The following SIK3 variants were observed in gnomAD, a reference collection of about 807,000 sequenced individuals.
SIK3 encodes the protein SIK family kinase 3, also known as serine/threonine-protein kinase SIK3.
A neutral mutation model predicts 144.2 loss-of-function variants in SIK3; 28 were observed. That is an observed-to-expected ratio of 0.19 (90% confidence interval 0.14 to 0.27). The LOEUF (loss-of-function observed/expected upper bound fraction) is 0.27, where lower values mean the gene tolerates loss of function less well. Among genes scored for constraint, SIK3 ranks in the 10% least tolerant of loss-of-function variants. The probability of loss-of-function intolerance (pLI) is 1.00; values close to 1 mark genes in which losing one functional copy is unlikely to be tolerated. For missense variants in SIK3, 1,319 were observed against 1,776.0 expected (o/e 0.74, Z 4.62); for synonymous variants, 686 against 676.3 (o/e 1.01, Z -0.22).
chr11:116,955,997 A>G (rs1949124158), intron 2 of SIK3, among the ~76,000 whole-genome samples: 1 of 152,204 alleles, frequency 6.6e-6, no homozygotes. Flanking sequence ...ACATGGTCCT[A>G]TGTCTGGGCC....
At chr11:116,889,022 C>T (rs1944966442) in intron 6 of SIK3, among the ~76,000 whole-genome samples, 1 of 152,142 alleles carries the variant, frequency 6.6e-6, no homozygotes. Flanking sequence ...AAGTTGCTCA[C>T]AGGAAACACT....
chr11:117,060,597 CAA>C (rs367663538), intron 1 of SIK3, among the ~76,000 whole-genome samples: 11 of 96,856 alleles, frequency 1.1e-4, no homozygotes, highest in Non-Finnish European at 1.3e-4. Flanking sequence ...AACTCCATCT[CAA>C]AAAAAAAAAA....
At chr11:116,851,897 C>G (rs1460828575) in intron 21 of SIK3, among the ~76,000 whole-genome samples, 1 of 152,198 alleles carries the variant, frequency 6.6e-6, no homozygotes, top group African/African-American at 2.4e-5. Flanking sequence ...AGAAGCAATG[C>G]GAGCAGCCGC....
intron 1 of SIK3, among the ~76,000 whole-genome samples, chr11:116,983,882 T>G (rs1436269630): frequency 1.3e-5 from 2 of 151,726 alleles, no homozygotes; most frequent in East Asian, 1.9e-4. Flanking sequence ...CTGGGCAACA[T>G]GCGAAATCCC....
chr11:116,938,567 GGAGGGGAGGGGAGGGGAGGA>G (rs1948090208), intron 3 of SIK3, among the ~76,000 whole-genome samples: 11 of 38,676 alleles, frequency 2.8e-4, no homozygotes, highest in South Asian at 1.9e-3. Context: ...GGAGGGGAGG[GGAGGGGAGGGGAGGGGAGGA>G]GAGGAGAGGG....
chr11:116,964,885 A>AAATAAT (rs60005446), intron 1 of SIK3, among the ~76,000 whole-genome samples: 55 of 150,970 alleles, frequency 3.6e-4, no homozygotes, highest in African/African-American at 1.2e-3. Flanking sequence ...TCCATCTCAA[A>AAATAAT]AATAATAATA....
chr11:116,918,722 T>C (rs7130160), intron 4 of SIK3, among the ~76,000 whole-genome samples: 11,641 of 152,206 alleles, frequency 0.076, 812 homozygotes, highest in African/African-American at 0.19. Context: ...GTAGGCTAAA[T>C]AGGGTGCACC....
rs534987353 is a variant in SIK3 at position 116,859,375 on chromosome 11, G to A, written c.2655C>T (p.Pro885=). The A allele has an allele frequency of 9.3e-6, 15 of 1,614,204 alleles. No individual in the cohort carries two copies. The Admixed American group carries it at 1.5e-4, about 16-fold the overall frequency. The part of the protein sequence containing the change: ...GSSGRGISIS[P]SAGQMQMQHR... ...GCTGCATCTGCATCTGACCAGCACT[G>A]GGGCTGATGGAGATGCCGCGCCCAC... Residue 885 remains proline (P), a synonymous_variant, in exon 20 of 25, where the codon CCC becomes CCT. Transcript: ENST00000445177.
At chr11:116,917,049 G>A (rs1363056599) in intron 4 of SIK3, among the ~76,000 whole-genome samples, 3 of 152,030 alleles carry the variant, frequency 2.0e-5, no homozygotes, top group Admixed American at 6.5e-5. Context: ...CAACCTCTGC[G>A]GCTCAAGCGA....
At chr11:116,922,246 TA>T (rs1947026968) in intron 4 of SIK3, among the ~76,000 whole-genome samples, 1 of 152,162 alleles carries the variant, frequency 6.6e-6, no homozygotes, top group Non-Finnish European at 1.5e-5. Context: ...CTCATGCCCA[TA>T]ATTCTAACAC....
At chr11:117,044,253 T>A (rs1387451251) in intron 1 of SIK3, among the ~76,000 whole-genome samples, 2 of 152,216 alleles carry the variant, frequency 1.3e-5, no homozygotes, top group Admixed American at 6.5e-5. Context: ...CTAAACTTTC[T>A]GGGGGACAGG....
intron 6 of SIK3, among the ~76,000 whole-genome samples, chr11:116,894,236 T>C (rs1945278665): frequency 6.6e-6 from 1 of 152,166 alleles, no homozygotes; most frequent in African/African-American, 2.4e-5. Flanking sequence ...GTTCCAGAGT[T>C]TAATTCATGG....
intron 4 of SIK3, among the ~76,000 whole-genome samples, chr11:116,926,952 T>C (rs1255623599): frequency 4.2e-5 from 6 of 143,090 alleles, no homozygotes; most frequent in African/African-American, 1.6e-4. Context: ...ACCTGGGAGA[T>C]GGAGGCTGCA....
intron 1 of SIK3, among the ~76,000 whole-genome samples, chr11:116,990,493 ATAC>A (rs1437455386): frequency 6.6e-6 from 1 of 152,242 alleles, no homozygotes; most frequent in East Asian, 1.9e-4. Context: ...ACGTGGTCTA[ATAC>A]CTTAGTATAA....
rs769677530 is a variant in SIK3, at chr11:116,947,412, G to T, written c.454+6632C>A. Among the ~76,000 whole-genome samples, 18 of 149,526 alleles carry T rather than the reference G, an allele frequency of 1.2e-4. No individual in the cohort carries two copies. The South Asian group carries it at 3.8e-3, about 31-fold the overall frequency. On this transcript the variant is annotated intron_variant, in intron 3 of 24. Transcript: ENST00000445177. ...GAACATTTGTGGAAGTCAAAACTAA[G>T]AGCTTTAGAAGGAAACAGTCAAGAA... is the stretch of plus-strand genomic sequence containing the variant.
At chr11:117,018,725 T>TTGTA (rs1951640270) in intron 1 of SIK3, among the ~76,000 whole-genome samples, 1 of 151,164 alleles carries the variant, frequency 6.6e-6, no homozygotes, top group South Asian at 2.1e-4. Flanking sequence ...TATTTATTTT[T>TTGTA]TTTTTTTGAA....
intron 1 of SIK3, among the ~76,000 whole-genome samples, chr11:116,974,672 G>A (rs1949885664): frequency 6.6e-6 from 1 of 152,090 alleles, no homozygotes; most frequent in South Asian, 2.1e-4. Context: ...TGGGATTACA[G>A]GTATAAGCCA....
intron 1 of SIK3, among the ~76,000 whole-genome samples, chr11:117,011,139 C>T (rs1951235832): frequency 6.6e-6 from 1 of 152,040 alleles, no homozygotes; most frequent in Non-Finnish European, 1.5e-5. Context: ...CGAAAATAAT[C>T]ACCCTCCTCC....
chr11:117,058,519 C>CAAA (rs61453348), intron 1 of SIK3, among the ~76,000 whole-genome samples: 84 of 116,824 alleles, frequency 7.2e-4, no homozygotes, highest in East Asian at 3.1e-3. Context: ...GACTCCATCT[C>CAAA]AAAAAAAAAA....
Sources: allele counts gnomAD v4.1 joint callset (sites outside exome capture counted in the v4.1 genomes callset), GRCh38; gene constraint gnomAD v4.1.1; transcripts MANE v1.5; gene names NCBI Gene and HGNC (gene_info 2026-07-23, HGNC 2026-07-21).